LPP: variants seen among roughly 807,000 people sequenced by gnomAD.
LPP encodes LIM domain containing preferred translocation partner in lipoma.
In LPP, 38 loss-of-function variants were observed where a neutral mutation model predicts 60.4. That is an observed-to-expected ratio of 0.63 (90% CI 0.49 to 0.83). LPP has a LOEUF of 0.83. LPP is among the 40% of genes least tolerant of loss of function. The pLI is 0.00. For missense variants in LPP, 902 were observed against 783.6 expected (o/e 1.15, Z -1.80); for synonymous variants, 328 against 290.8 (o/e 1.13, Z -1.30).
chr3:188,309,022 C>CTTTTTTTTTTT (rs777945680), intron 2 of LPP, among the ~76,000 whole-genome samples: 4 of 119,718 alleles, frequency 3.3e-5, no homozygotes, highest in South Asian at 2.8e-4. Flanking sequence ...TCTTCTTCTT[C>CTTTTTTTTTTT]TTTTTTTTTT....
chr3:188,402,867 A>G (rs1462562527), intron 3 of LPP, among the ~76,000 whole-genome samples: 1 of 152,240 alleles, frequency 6.6e-6, no homozygotes, highest in Non-Finnish European at 1.5e-5. Flanking sequence ...TGGAGAAGTT[A>G]GGGAAATGTT....
At chr3:188,460,807 TC>T (rs1217490031) in intron 4 of LPP, among the ~76,000 whole-genome samples, 3 of 152,142 alleles carry the variant, frequency 2.0e-5, no homozygotes, top group African/African-American at 7.2e-5. Flanking sequence ...GCAGGGAGTG[TC>T]CATGAATGGA....
intron 9 of LPP, among the ~76,000 whole-genome samples, chr3:188,798,490 T>G (rs189216528): frequency 6.6e-6 from 1 of 152,238 alleles, no homozygotes; most frequent in African/African-American, 2.4e-5. Flanking sequence ...CCTAAGCTGC[T>G]GTCTCTTCAG....
At chr3:188,752,095 A>G (rs980478115) in intron 8 of LPP, among the ~76,000 whole-genome samples, 6 of 152,212 alleles carry the variant, frequency 3.9e-5, no homozygotes, top group Non-Finnish European at 7.3e-5. Flanking sequence ...CCTATAGTTT[A>G]AAGGAGAAAG....
At chr3:188,714,138 A>G (rs188441510) in intron 8 of LPP, among the ~76,000 whole-genome samples, 136 of 152,264 alleles carry the variant, frequency 8.9e-4, no homozygotes, top group Non-Finnish European at 9.1e-4. Context: ...ATAGCTAATA[A>G]TTTTGGAATT....
At chr3:188,616,972 C>G (rs1043662229) in intron 7 of LPP, among the ~76,000 whole-genome samples, 3 of 152,126 alleles carry the variant, frequency 2.0e-5, no homozygotes, top group African/African-American at 7.2e-5. Context: ...GTACTAGCTT[C>G]TTTAATAAGA....
chr3:188,404,428 A>G (rs1782946928), intron 3 of LPP, among the ~76,000 whole-genome samples: 1 of 152,144 alleles, frequency 6.6e-6, no homozygotes, highest in South Asian at 2.1e-4. Flanking sequence ...AATTTTTTGT[A>G]GAGACCGAGT....
chr3:188,420,941 G>T (rs1020869690), intron 4 of LPP, among the ~76,000 whole-genome samples: 1 of 152,114 alleles, frequency 6.6e-6, no homozygotes, highest in African/African-American at 2.4e-5. Flanking sequence ...ATTTGCACAT[G>T]TTGCCTGAGC....
intron 7 of LPP, among the ~76,000 whole-genome samples, chr3:188,676,688 A>G (rs1469135855): frequency 1.3e-5 from 2 of 152,208 alleles, no homozygotes; most frequent in Non-Finnish European, 2.9e-5. Context: ...ATGTGGCCTT[A>G]TAGATCCTTA....
chr3:188,568,894 T>C (rs1405790685), intron 6 of LPP: 1 of 151,392 alleles, frequency 6.6e-6, no homozygotes, highest in East Asian at 1.9e-4. Flanking sequence ...GCCTGAAGGG[T>C]GGAGAGGGGG....
chr3:188,374,316 G>A (rs2151109102), intron 3 of LPP, among the ~76,000 whole-genome samples: 1 of 152,238 alleles, frequency 6.6e-6, no homozygotes, highest in South Asian at 2.1e-4. Context: ...CCATTTTCAT[G>A]ATATTGATTC....
intron 4 of LPP, among the ~76,000 whole-genome samples, chr3:188,459,406 CT>C (rs1357520677): frequency 6.6e-6 from 1 of 152,124 alleles, no homozygotes; most frequent in Non-Finnish European, 1.5e-5. Flanking sequence ...CATTATCAAG[CT>C]GTCCACAGCT....
At chr3:188,477,433 A>T (rs1354290576) in intron 4 of LPP, among the ~76,000 whole-genome samples, 2 of 152,230 alleles carry the variant, frequency 1.3e-5, no homozygotes, top group Non-Finnish European at 2.9e-5. Context: ...TCTCTAATAG[A>T]AATAGCATGT....
intron 9 of LPP, among the ~76,000 whole-genome samples, chr3:188,825,858 G>C (rs1755341131): frequency 6.6e-6 from 1 of 152,116 alleles, no homozygotes; most frequent in Admixed American, 6.5e-5. Context: ...GAGGCACAGA[G>C]ATGTCCTGTT....
At chr3:188,369,105 C>G (rs955993478) in intron 3 of LPP, among the ~76,000 whole-genome samples, 1 of 152,152 alleles carries the variant, frequency 6.6e-6, no homozygotes, top group Non-Finnish European at 1.5e-5. Context: ...CTTCTTTCTT[C>G]TTTCTCCACT....
rs140488234 is a variant in LPP, at chr3:188,739,910, G to C, written c.1241-20203G>C. On this transcript the variant is annotated intron_variant, in intron 8 of 11. Transcript: ENST00000617246. ...AATAATCTCTGAAAGTTACTTCCTT[G>C]GTCTACTGAATCTCATATTTTGTGA... is the stretch of plus-strand genomic sequence containing the variant. 3.2e-3 allele frequency among the ~76,000 whole-genome samples: 487 copies of C among 152,046 alleles called. 2 individuals are homozygous for C. The highest frequency in any genetic ancestry group is 5.5e-3 in the Admixed American group (84 of 15,252).
chr3:188,178,027 A>G (rs1723600933), intron 1 of LPP, among the ~76,000 whole-genome samples: 2 of 152,188 alleles, frequency 1.3e-5, no homozygotes, highest in Admixed American at 1.3e-4. Context: ...GGGAGTGTTG[A>G]TATAGCTGAC....
rs145190354 is a variant in LPP at position 188,806,148 on chromosome 3, T to G, written c.1410+45866T>G. On this transcript the variant is annotated intron_variant, in intron 9 of 11. Transcript: ENST00000617246. ...TTCTTACTGATTTTCTGTCTTCTTT[T>G]TCAGTAAATTATTAGAGGGATACTG... Among the ~76,000 whole-genome samples the G allele has an allele frequency of 2.9e-3, 436 of 152,060 alleles. 1 individual carries two copies. The highest frequency in any genetic ancestry group is 9.9e-3 in the African/African-American group (411 of 41,560).
At chr3:188,635,569 G>T (rs1203643087) in intron 7 of LPP, among the ~76,000 whole-genome samples, 1 of 152,162 alleles carries the variant, frequency 6.6e-6, no homozygotes, top group African/African-American at 2.4e-5. Flanking sequence ...CCTCTAAGAG[G>T]CTCCATTTCT....
Sources: gnomAD v4.1 joint callset for allele counts (sites outside exome capture counted in the v4.1 genomes callset) on GRCh38, gnomAD v4.1.1 for gene constraint, MANE v1.5 for transcripts, NCBI Gene and HGNC (gene_info 2026-07-23, HGNC 2026-07-21) for gene names.